Variants in ENOX1 observed in about 807,000 individuals in gnomAD.
The protein encoded by ENOX1 is candidate growth-related and time keeping constitutive hydroquinone (NADH) oxidase.
In ENOX1, 42 loss-of-function variants were observed where a neutral mutation model predicts 82.5. That is an observed-to-expected ratio of 0.51 (90% confidence interval 0.40 to 0.66). The LOEUF is 0.66. Among genes scored for constraint, ENOX1 ranks in the 30% least tolerant of loss-of-function variants. ENOX1 has a pLI of 0.00. For synonymous variants in ENOX1, 271 were observed against 282.2 expected, an observed-to-expected ratio of 0.96 and a Z score of 0.40; for missense variants, 608 against 811.6, an observed-to-expected ratio of 0.75 and a Z score of 3.05.
intron 2 of ENOX1, among the ~76,000 whole-genome samples, chr13:43,526,363 G>A (rs570088867): frequency 8.6e-5 from 13 of 151,996 alleles, no homozygotes; most frequent in South Asian, 2.1e-4. Context: ...CCTTTGTTTC[G>A]TACCCATTAT....
At chr13:43,371,670 A>G (rs2051254550) in intron 5 of ENOX1, among the ~76,000 whole-genome samples, 1 of 152,238 alleles carries the variant, frequency 6.6e-6, no homozygotes, top group Non-Finnish European at 1.5e-5. Flanking sequence ...AGAACAAAGA[A>G]AAACATTCAA....
intron 15 of ENOX1, 100 bp from the exon 16 acceptor site, chr13:43,224,238 G>T: frequency 3.2e-6 from 3 of 938,262 alleles, no homozygotes; most frequent in East Asian, 5.2e-5. Flanking sequence ...GTCAGGCTGA[G>T]TTATGGTCTT....
At chr13:43,454,159 T>C (rs919598178) in intron 3 of ENOX1, among the ~76,000 whole-genome samples, 3 of 152,144 alleles carry the variant, frequency 2.0e-5, no homozygotes, top group African/African-American at 7.2e-5. Context: ...ATGCCTATAG[T>C]TTAAAAAGGT....
At chr13:43,417,709 A>G (rs2054710234) in intron 3 of ENOX1, among the ~76,000 whole-genome samples, 1 of 152,220 alleles carries the variant, frequency 6.6e-6, no homozygotes. Flanking sequence ...TGAATACAGT[A>G]GGTGATAATT....
At chr13:43,383,051 T>C (rs779442877) in intron 5 of ENOX1, among the ~76,000 whole-genome samples, 1 of 152,178 alleles carries the variant, frequency 6.6e-6, no homozygotes, top group Non-Finnish European at 1.5e-5. Flanking sequence ...TTCTATAGTT[T>C]TAGAAGTCAG....
intron 2 of ENOX1, among the ~76,000 whole-genome samples, chr13:43,504,693 G>A (rs1407437148): frequency 6.6e-6 from 1 of 151,474 alleles, no homozygotes; most frequent in African/African-American, 2.4e-5. Context: ...TTAGTCAAAG[G>A]GTAAAAATGT....
At chr13:43,546,065 A>G (rs2078961383) in intron 2 of ENOX1, 1 of 152,236 alleles carries the variant, frequency 6.6e-6, no homozygotes, top group Non-Finnish European at 1.5e-5. Context: ...TTGAATCTCT[A>G]TATTGTGCCA....
intron 1 of ENOX1, among the ~76,000 whole-genome samples, chr13:43,759,087 T>C (rs1441364469): frequency 7.2e-6 from 1 of 138,104 alleles, no homozygotes; most frequent in Admixed American, 8.3e-5. Context: ...CCCCTGGAAC[T>C]GATAAGTTTC....
intron 11 of ENOX1, among the ~76,000 whole-genome samples, chr13:43,310,392 A>C (rs557876471): frequency 6.6e-6 from 1 of 152,162 alleles, no homozygotes; most frequent in Non-Finnish European, 1.5e-5. Flanking sequence ...CTTCAAACCC[A>C]TATTCAATGA....
chr13:43,616,912 G>C (rs1312289256), intron 2 of ENOX1, among the ~76,000 whole-genome samples: 1 of 114,746 alleles, frequency 8.7e-6, no homozygotes, highest in African/African-American at 3.2e-5. Flanking sequence ...GAATGCAAAA[G>C]GTAAAACAAG....
intron 12 of ENOX1, among the ~76,000 whole-genome samples, chr13:43,289,734 T>A (rs2045896368): frequency 6.6e-6 from 1 of 152,114 alleles, no homozygotes; most frequent in South Asian, 2.1e-4. Context: ...TGGGACCTAA[T>A]TAAACTAAAG....
At chr13:43,562,951 A>G (rs1161132950) in intron 2 of ENOX1, among the ~76,000 whole-genome samples, 5 of 152,150 alleles carry the variant, frequency 3.3e-5, no homozygotes, top group African/African-American at 9.7e-5. Context: ...AGACTTCAAC[A>G]CCCCACTTTC....
At chr13:43,598,076 C>T (rs2081546099) in intron 2 of ENOX1, among the ~76,000 whole-genome samples, 1 of 152,118 alleles carries the variant, frequency 6.6e-6, no homozygotes, top group Non-Finnish European at 1.5e-5. Flanking sequence ...TGTTCACTGG[C>T]TGCCTCTTGT....
intron 1 of ENOX1, among the ~76,000 whole-genome samples, chr13:43,755,812 G>T (rs1950613735): frequency 6.6e-6 from 1 of 152,156 alleles, no homozygotes; most frequent in South Asian, 2.1e-4. Flanking sequence ...TATGATCTTA[G>T]CAAAACCAGT....
chr13:43,554,202 G>A (rs1322651649), intron 2 of ENOX1, among the ~76,000 whole-genome samples: 5 of 151,980 alleles, frequency 3.3e-5, no homozygotes, highest in African/African-American at 2.4e-5. Flanking sequence ...CATCCCTCCC[G>A]AATCATATGG....
At chr13:43,636,802 T>A (rs1357752880) in intron 2 of ENOX1, among the ~76,000 whole-genome samples, 1 of 151,876 alleles carries the variant, frequency 6.6e-6, no homozygotes, top group Non-Finnish European at 1.5e-5. Context: ...CAGCAATCAA[T>A]CACTAGCAAA....
At chr13:43,694,601 T>A (rs556392266) in intron 1 of ENOX1, among the ~76,000 whole-genome samples, 2 of 152,350 alleles carry the variant, frequency 1.3e-5, no homozygotes, top group East Asian at 3.9e-4. Flanking sequence ...AAGGGGATGA[T>A]AATATATTCC....
At chr13:43,358,643 C>T (rs1165046180) in intron 7 of ENOX1, among the ~76,000 whole-genome samples, 1 of 152,168 alleles carries the variant, frequency 6.6e-6, no homozygotes, top group Non-Finnish European at 1.5e-5. Flanking sequence ...TTGCAGGTGC[C>T]CTGCTAAGCA....
intron 1 of ENOX1, among the ~76,000 whole-genome samples, chr13:43,718,137 C>T (rs935285496): frequency 3.7e-4 from 57 of 152,128 alleles, no homozygotes; most frequent in African/African-American, 1.3e-3. Context: ...AATTTAGTTG[C>T]CCTTCGACAG....
Sources: gnomAD v4.1 joint callset for allele counts (sites outside exome capture counted in the v4.1 genomes callset) on GRCh38, gnomAD v4.1.1 for gene constraint, MANE v1.5 for transcripts, NCBI Gene and HGNC (gene_info 2026-07-23, HGNC 2026-07-21) for gene names.